RBFOX1: variants seen among roughly 807,000 people sequenced by gnomAD.
RBFOX1 encodes RNA binding fox-1 homolog 1.
In RBFOX1, 8 loss-of-function variants were observed where a neutral mutation model predicts 57.7. That is an observed-to-expected ratio of 0.14 (90% CI 0.08 to 0.25). RBFOX1 has a LOEUF of 0.25. Among genes scored for constraint, RBFOX1 ranks in the 10% least tolerant of loss-of-function variants. The pLI is 1.00. For synonymous variants in RBFOX1, 326 were observed against 222.4 expected, an observed-to-expected ratio of 1.47 and a Z score of -4.15; for missense variants, 611 against 548.5, an observed-to-expected ratio of 1.11 and a Z score of -1.14.
chr16:5,598,811 G>C, intron 2 of RBFOX1: 1 of 958,294 alleles, frequency 1.0e-6, no homozygotes, highest in Non-Finnish European at 1.5e-6. Flanking sequence ...AGACATTCTG[G>C]GTTGTGCTAA....
intron 12 of RBFOX1, among the ~76,000 whole-genome samples, chr16:7,656,051 TCTGTGATCAG>T (rs2066225205): frequency 6.6e-6 from 1 of 152,312 alleles, no homozygotes; most frequent in South Asian, 2.1e-4. Context: ...TCCAGCAATA[TCTGTGATCAG>T]TTTGGTTATA....
In RBFOX1 at chr16:7,404,705, AAAAC is replaced by A. The variant is rs371142516; in HGVS notation, c.28-113422_28-113419del. On this transcript the variant is annotated intron_variant, in intron 4 of 15. Transcript: ENST00000550418. ...ATATTAAAAGAATGCTTTTTCAGAA[AAAAC>A]AAACAAACAAACAAACAAAACCGAA... Among the ~76,000 whole-genome samples the A allele has an allele frequency of 6.1e-3, 891 of 146,374 alleles. 6 individuals are homozygous for A. The highest frequency in any genetic ancestry group is 0.019 in the African/African-American group (790 of 41,132).
intron 2 of RBFOX1, among the ~76,000 whole-genome samples, chr16:6,628,881 T>A (rs1328157028): frequency 1.3e-5 from 2 of 149,410 alleles, no homozygotes; most frequent in Non-Finnish European, 3.0e-5. Context: ...ATACAAAAAA[T>A]TAGCCAGGTG....
intron 3 of RBFOX1, among the ~76,000 whole-genome samples, chr16:6,957,386 G>A (rs1035796176): frequency 1.3e-5 from 2 of 152,000 alleles, no homozygotes; most frequent in African/African-American, 4.8e-5. Flanking sequence ...CTCCCAATGT[G>A]CTGCGACTCA....
chr16:5,592,260 A>T lies in RBFOX1; in HGVS notation c.259-6642A>T, dbSNP rs540782679. 2.0e-5 allele frequency among the ~76,000 whole-genome samples: 3 copies of T among 151,338 alleles called. No homozygotes were observed. In the East Asian group the frequency reaches 5.8e-4, roughly 29 times the overall value. ...TTATCTCTTTGTTCAGTGGGTTTTAATTTTCTCAGATTGCCCTTTGTCTTC... is the reference window on the plus strand; with the variant it reads ...TTATCTCTTTGTTCAGTGGGTTTTATTTTTCTCAGATTGCCCTTTGTCTTC... On this transcript the variant is annotated intron_variant, in intron 2 of 2. Coordinates refer to the RBFOX1 transcript ENST00000585867.
chr16:5,266,259 A>G (rs1473704876), intron 1 of RBFOX1, among the ~76,000 whole-genome samples: 1 of 152,160 alleles, frequency 6.6e-6, no homozygotes, highest in East Asian at 1.9e-4. Flanking sequence ...TGTGCATTTT[A>G]GAATGTTGAG....
chr16:5,315,224 C>G (rs763406566), intron 1 of RBFOX1, among the ~76,000 whole-genome samples: 1 of 152,124 alleles, frequency 6.6e-6, no homozygotes, highest in East Asian at 1.9e-4. Context: ...GAGGAAGGTT[C>G]GATGAGGCCC....
At chr16:6,667,562 T>A (rs1332188026) in intron 3 of RBFOX1, among the ~76,000 whole-genome samples, 1 of 152,118 alleles carries the variant, frequency 6.6e-6, no homozygotes, top group Non-Finnish European at 1.5e-5. Context: ...CTTATCATCT[T>A]GGCTAGGCAC....
intron 1 of RBFOX1, chr16:5,366,454 T>C (rs2023194): frequency 0.4 from 173,833 of 436,864 alleles, 36,139 homozygotes; most frequent in Non-Finnish European, 0.43. Context: ...CTCAGAACCA[T>C]CATCAACACC....
intron 2 of RBFOX1, among the ~76,000 whole-genome samples, chr16:6,575,126 G>A (rs111452307): frequency 3.8e-4 from 58 of 151,926 alleles, no homozygotes; most frequent in African/African-American, 1.2e-3. Context: ...CCCGCAAGGC[G>A]ACAGGACAGA....
intron 4 of RBFOX1, among the ~76,000 whole-genome samples, chr16:7,208,594 G>C (rs1384303340): frequency 6.6e-6 from 1 of 152,136 alleles, no homozygotes; most frequent in African/African-American, 2.4e-5. Context: ...CCAGCAATTT[G>C]GGAGGCTGTG....
chr16:5,452,730 G>A (rs2068465894), intron 1 of RBFOX1, among the ~76,000 whole-genome samples: 1 of 151,268 alleles, frequency 6.6e-6, no homozygotes, highest in South Asian at 2.1e-4. Context: ...TGCAACCTCC[G>A]CCTCCTAGGT....
chr16:7,339,364 C>T (rs1445409275), intron 4 of RBFOX1, among the ~76,000 whole-genome samples: 3 of 152,168 alleles, frequency 2.0e-5, no homozygotes, highest in African/African-American at 7.2e-5. Flanking sequence ...GATATTCTAA[C>T]ACATGGGAAA....
intron 3 of RBFOX1, among the ~76,000 whole-genome samples, chr16:6,703,528 T>C (rs527775345): frequency 8.1e-4 from 123 of 151,798 alleles, no homozygotes; most frequent in African/African-American, 2.8e-3. Context: ...CTAGGCAACA[T>C]ACTGTGACCC....
intron 2 of RBFOX1, among the ~76,000 whole-genome samples, chr16:6,494,887 A>C (rs1056210486): frequency 2.6e-5 from 4 of 152,182 alleles, no homozygotes; most frequent in Non-Finnish European, 4.4e-5. Context: ...TGTAGCATCC[A>C]CCATATGCCA....
chr16:7,605,143 T>C (rs1163206522), intron 9 of RBFOX1, among the ~76,000 whole-genome samples: 1 of 152,210 alleles, frequency 6.6e-6, no homozygotes, highest in African/African-American at 2.4e-5. Context: ...TTAATTCCCA[T>C]ATCCTCAGGA....
intron 4 of RBFOX1, among the ~76,000 whole-genome samples, chr16:7,399,329 C>T (rs752524627): frequency 1.1e-4 from 16 of 152,126 alleles, no homozygotes; most frequent in African/African-American, 3.6e-4. Flanking sequence ...TGCCTGTAAT[C>T]GCAGCTACGT....
At chr16:5,645,274 A>AC (rs1317368604) in intron 3 of RBFOX1, among the ~76,000 whole-genome samples, 1 of 12,946 alleles carries the variant, frequency 7.7e-5, no homozygotes, top group African/African-American at 1.6e-4. Flanking sequence ...AGAAACAAAA[A>AC]CAAAAAAAAA....
chr16:7,161,719 G>A (rs2078364264), intron 4 of RBFOX1, among the ~76,000 whole-genome samples: 6 of 152,164 alleles, frequency 3.9e-5, no homozygotes, highest in Admixed American at 3.9e-4. Context: ...CTTCATTTGA[G>A]CAGCTTCCTT....
Sources: gnomAD v4.1 joint callset for allele counts (sites outside exome capture counted in the v4.1 genomes callset) on GRCh38, gnomAD v4.1.1 for gene constraint, MANE v1.5 for transcripts, NCBI Gene and HGNC (gene_info 2026-07-23, HGNC 2026-07-21) for gene names.